The following PPARGC1A variants were observed in gnomAD, a reference collection of about 807,000 sequenced individuals.
PPARGC1A encodes PPARG coactivator 1 alpha.
PPARGC1A carries 25 observed loss-of-function variants against 88.7 expected under a neutral mutation model. The observed-to-expected ratio is 0.28, with a 90% confidence interval of 0.21 to 0.39. PPARGC1A has a LOEUF of 0.39. PPARGC1A is among the 10% of genes least tolerant of loss of function. The probability of loss-of-function intolerance (pLI) is 1.00; values close to 1 mark genes in which losing one functional copy is unlikely to be tolerated. For missense variants in PPARGC1A, 880 were observed against 968.7 expected, an observed-to-expected ratio of 0.91 and a Z score of 1.22; for synonymous variants, 363 against 355.6, an observed-to-expected ratio of 1.02 and a Z score of -0.24.
chr4:24,007,053 T>C, the PPARGC1A span, among the ~76,000 whole-genome samples: 3 of 152,212 alleles, frequency 2.0e-5, no homozygotes, highest in East Asian at 1.9e-4. Context: ...TAGTATGTCA[T>C]AGTTTAATTG....
At chr4:24,409,102 C>G in the PPARGC1A span, among the ~76,000 whole-genome samples, 1 of 152,208 alleles carries the variant, frequency 6.6e-6, no homozygotes, top group African/African-American at 2.4e-5. Flanking sequence ...TCTCTATAAT[C>G]TTGAATATTT....
the PPARGC1A span, among the ~76,000 whole-genome samples, chr4:23,951,110 C>T: frequency 6.6e-6 from 1 of 152,090 alleles, no homozygotes; most frequent in Non-Finnish European, 1.5e-5. Flanking sequence ...AAGAATTAGA[C>T]CCTCTCTCTG....
the PPARGC1A span, among the ~76,000 whole-genome samples, chr4:24,229,728 C>T: frequency 6.6e-6 from 1 of 151,388 alleles, no homozygotes; most frequent in Admixed American, 6.6e-5. Flanking sequence ...GCCTGTAATC[C>T]GAACTACCTG....
At chr4:24,436,783 T>A in the PPARGC1A span, among the ~76,000 whole-genome samples, 1 of 137,674 alleles carries the variant, frequency 7.3e-6, no homozygotes, top group African/African-American at 3.0e-5. Context: ...AGAGCCCGGG[T>A]CACAGAGCTG....
chr4:24,392,650 A>G, the PPARGC1A span, among the ~76,000 whole-genome samples: 3 of 152,298 alleles, frequency 2.0e-5, no homozygotes, highest in East Asian at 5.8e-4. Context: ...TACTTAGAAC[A>G]TCATTAATCC....
chr4:23,995,754 C>G, the PPARGC1A span, among the ~76,000 whole-genome samples: 1 of 152,256 alleles, frequency 6.6e-6, no homozygotes, highest in East Asian at 1.9e-4. Flanking sequence ...CTCTAGGAGC[C>G]TCCCCATGAG....
chr4:24,184,868 G>A, the PPARGC1A span, among the ~76,000 whole-genome samples: 3 of 152,098 alleles, frequency 2.0e-5, no homozygotes, highest in Non-Finnish European at 2.9e-5. Context: ...ATAAGAAGCG[G>A]CAGAAAAGGA....
chr4:24,312,567 G>T, the PPARGC1A span, among the ~76,000 whole-genome samples: 1 of 136,076 alleles, frequency 7.3e-6, no homozygotes, highest in Non-Finnish European at 1.5e-5. Context: ...TTTTCTCTTT[G>T]TCTTAATTCT....
At chr4:24,396,818 T>C in the PPARGC1A span, among the ~76,000 whole-genome samples, 3 of 152,114 alleles carry the variant, frequency 2.0e-5, no homozygotes, top group African/African-American at 7.2e-5. Context: ...CTCTAATTTC[T>C]GCAACTAAAA....
At chr4:24,139,149 T>C in the PPARGC1A span, among the ~76,000 whole-genome samples, 1 of 152,068 alleles carries the variant, frequency 6.6e-6, no homozygotes, top group Admixed American at 6.5e-5. Flanking sequence ...TTTTTTTTTT[T>C]TTGAGACAGA....
At chr4:23,942,669 A>G in the PPARGC1A span, among the ~76,000 whole-genome samples, 1 of 152,170 alleles carries the variant, frequency 6.6e-6, no homozygotes, top group Non-Finnish European at 1.5e-5. Context: ...GCACACATAA[A>G]CACTACATCT....
At chr4:24,158,632 A>G in the PPARGC1A span, among the ~76,000 whole-genome samples, 3 of 152,312 alleles carry the variant, frequency 2.0e-5, no homozygotes, top group East Asian at 5.8e-4. Context: ...ACACTGACCA[A>G]TTCCTCATTA....
chr4:24,179,700 C>T, the PPARGC1A span, among the ~76,000 whole-genome samples: 32 of 152,260 alleles, frequency 2.1e-4, no homozygotes, highest in Non-Finnish European at 4.1e-4. Flanking sequence ...GAATCATGAG[C>T]TACATAAGTG....
At chr4:24,402,867 C>T in the PPARGC1A span, among the ~76,000 whole-genome samples, 1 of 152,220 alleles carries the variant, frequency 6.6e-6, no homozygotes, top group African/African-American at 2.4e-5. Flanking sequence ...AGATTGTACG[C>T]CCTACTTGGG....
chr4:23,823,375 A>C (rs1026131592), intron 7 of PPARGC1A, among the ~76,000 whole-genome samples: 2 of 152,016 alleles, frequency 1.3e-5, no homozygotes, highest in Admixed American at 1.3e-4. Flanking sequence ...ATAGTAAAAA[A>C]TAAGCTTAAG....
chr4:23,815,632 G>A (rs534277418), intron 7 of PPARGC1A, among the ~76,000 whole-genome samples: 25 of 152,246 alleles, frequency 1.6e-4, no homozygotes, highest in African/African-American at 5.8e-4. Flanking sequence ...CCTCTGTTGA[G>A]TTTTCCCCCA....
the PPARGC1A span, among the ~76,000 whole-genome samples, chr4:24,164,810 C>G: frequency 6.6e-6 from 1 of 152,094 alleles, no homozygotes; most frequent in African/African-American, 2.4e-5. Context: ...AACCTTCTGG[C>G]TACACACATT....
At chr4:23,959,867 C>T in the PPARGC1A span, among the ~76,000 whole-genome samples, 1 of 152,016 alleles carries the variant, frequency 6.6e-6, no homozygotes, top group Non-Finnish European at 1.5e-5. Flanking sequence ...TCAGTAAGCG[C>T]ACCAGGCCAT....
the PPARGC1A span, among the ~76,000 whole-genome samples, chr4:23,997,185 G>A: frequency 6.6e-6 from 1 of 152,076 alleles, no homozygotes; most frequent in Non-Finnish European, 1.5e-5. Context: ...GTGCCATTCT[G>A]CCACTGTCTC....
Sources: allele counts gnomAD v4.1 joint callset (sites outside exome capture counted in the v4.1 genomes callset), GRCh38; gene constraint gnomAD v4.1.1; transcripts MANE v1.5; gene names NCBI Gene and HGNC (gene_info 2026-07-23, HGNC 2026-07-21).